Variants in AATF observed in about 807,000 individuals in gnomAD.
AATF encodes protein AATF.
Under a neutral mutation model 63.7 loss-of-function variants are expected in AATF, and 48 were observed. The ratio of observed to expected loss-of-function variants is 0.75; its 90% confidence interval spans 0.60 to 0.96. The LOEUF (loss-of-function observed/expected upper bound fraction) is 0.96, where lower values mean the gene tolerates loss of function less well. AATF is among the 40% of genes least tolerant of loss of function. The pLI, the probability that AATF is intolerant of heterozygous loss-of-function variation, is 0.00. For synonymous variants in AATF, 258 were observed against 247.7 expected (o/e 1.04, Z -0.39); for missense variants, 639 against 685.7 (o/e 0.93, Z 0.76).
At chr17:37,014,925 AT>A (rs1429321614) in intron 8 of AATF, among the ~76,000 whole-genome samples, 3 of 151,974 alleles carry the variant, frequency 2.0e-5, no homozygotes, top group Admixed American at 2.0e-4. Flanking sequence ...TTAATTTCTC[AT>A]TTTAGTCTTT....
rs34957243 is a variant in AATF, at chr17:37,009,298, A to ATT, written c.1399-9690_1399-9689dup. Among the ~76,000 whole-genome samples, 576 of 128,622 alleles carry ATT rather than the reference A, an allele frequency of 4.5e-3. 6 individuals carry two copies. The highest frequency in any genetic ancestry group is 0.016 in the African/African-American group (535 of 33,322). 84.4% of individuals were successfully genotyped at this position (128,622 alleles called of 152,430 possible). ...AGGCATCTGCCACCATGCCCGGCTA[A>ATT]TTTTTTTTTTTTTTTTTTGTATTTT... is the stretch of plus-strand genomic sequence containing the variant. On this transcript the variant is annotated intron_variant, in intron 8 of 11. Transcript: ENST00000619387.
chr17:36,994,964 A>G (rs146653861), intron 8 of AATF, among the ~76,000 whole-genome samples: 8 of 152,364 alleles, frequency 5.3e-5, no homozygotes, highest in Admixed American at 1.3e-4. Context: ...GCAATAAGCT[A>G]TATAAAGTGG....
At chr17:36,986,400 A>G (rs1054308931) in intron 4 of AATF, among the ~76,000 whole-genome samples, 2 of 152,332 alleles carry the variant, frequency 1.3e-5, no homozygotes, top group African/African-American at 2.4e-5. Flanking sequence ...CCTTACATGC[A>G]TGATCTTGCT....
intron 8 of AATF, 40 bp downstream of exon 8, chr17:36,990,897 G>C (rs767150144): frequency 1.4e-6 from 2 of 1,388,828 alleles, no homozygotes; most frequent in Admixed American, 5.0e-5. Context: ...TCATGTTTTA[G>C]CATTTTAAAG....
intron 11 of AATF, among the ~76,000 whole-genome samples, chr17:37,051,857 C>T (rs762076908): frequency 4.6e-5 from 7 of 152,166 alleles, no homozygotes; most frequent in Non-Finnish European, 7.4e-5. Context: ...TAAAACCTTA[C>T]TGCACTAGAG....
chr17:36,968,270 C>CTTTTTTTTTTTTTTTTTTTTTTTTTTTT (rs3049638), intron 4 of AATF, among the ~76,000 whole-genome samples: 1 of 23,762 alleles, frequency 4.2e-5, no homozygotes, highest in Non-Finnish European at 7.6e-5. Flanking sequence ...TTCCTTCTTT[C>CTTTTTTTTTTTTTTTTTTTTTTTTTTTT]TTTTTTTTTT....
At chr17:36,964,302 G>A (rs1318474636) in intron 4 of AATF, among the ~76,000 whole-genome samples, 1 of 150,766 alleles carries the variant, frequency 6.6e-6, no homozygotes, top group African/African-American at 2.5e-5. Context: ...TATAGTGGGT[G>A]AGTGGGGATG....
Position 37,047,902 on chromosome 17 carries a change from G to A in AATF, c.1620-8699G>A, listed in dbSNP as rs186158789. 1.3e-3 allele frequency among the ~76,000 whole-genome samples: 191 copies of A among 152,274 alleles called. 2 individuals carry two copies. The highest frequency in any genetic ancestry group is 1.1e-3 in the Non-Finnish European group (78 of 68,022). ...CTTGTGAAGAGTTTCAGCTAGTGTCGGATTGGACATGATTTGCCTTGTATC... is the reference window on the plus strand; with the variant it reads ...CTTGTGAAGAGTTTCAGCTAGTGTCAGATTGGACATGATTTGCCTTGTATC... On this transcript the variant is annotated intron_variant, in intron 11 of 11. Coordinates refer to ENST00000619387, the MANE Select transcript of AATF (RefSeq NM_012138.4).
rs2070828499 is a variant in AATF, at chr17:36,948,982, C to G, written c.-144C>G. 1 of 740,034 alleles carries G rather than the reference C, an allele frequency of 1.4e-6. No homozygotes were observed. The highest frequency in any genetic ancestry group is 2.4e-5 in the Admixed American group (1 of 41,358). The allele number at this position is 740,034 out of a possible 1,614,324, so 45.8% of individuals were successfully genotyped here. ...CCTCCCGGAAGTGGCCGGTCCAGAG[C>G]TGTGGGGTGGCCTCCGCGCGGTCTC... On this transcript the variant is annotated 5_prime_UTR_variant, in exon 1 of 12. Transcript: ENST00000619387.
intron 4 of AATF, among the ~76,000 whole-genome samples, chr17:36,969,669 A>G (rs559149777): frequency 1.3e-5 from 2 of 152,230 alleles, no homozygotes; most frequent in Non-Finnish European, 2.9e-5. Context: ...TTGTTGAGAT[A>G]TAATTGACAT....
At chr17:36,949,284 G>A in intron 1 of AATF, 68 bp downstream of exon 1, 1 of 1,450,908 alleles carries the variant, frequency 6.9e-7, no homozygotes, top group Non-Finnish European at 9.2e-7. Context: ...AGGGGGCGGC[G>A]TGGGAGGGGC....
In AATF at chr17:36,995,976, T is replaced by A. The variant is rs749239142; in HGVS notation, c.1398+5119T>A. ...GAACCTGCCTCTGTGAATGAGTTGT[T>A]GGACTCATGTCTTCTGTTCAGGGCA... is the stretch of plus-strand genomic sequence containing the variant. On this transcript the variant is annotated intron_variant, in intron 8 of 11. Transcript: ENST00000619387. 4.7e-4 allele frequency among the ~76,000 whole-genome samples: 72 copies of A among 152,232 alleles called. 2 individuals are homozygous for A. The highest frequency in any genetic ancestry group is 1.2e-4 in the Non-Finnish European group (8 of 68,042).
intron 1 of AATF, among the ~76,000 whole-genome samples, chr17:36,949,633 G>C (rs1318939266): frequency 6.6e-6 from 1 of 152,252 alleles, no homozygotes; most frequent in Non-Finnish European, 1.5e-5. Flanking sequence ...GTTGGAGACT[G>C]ATGGAAGGAT....
intron 4 of AATF, among the ~76,000 whole-genome samples, chr17:36,977,646 T>G (rs538444156): frequency 1.6e-4 from 25 of 152,178 alleles, no homozygotes; most frequent in Non-Finnish European, 3.4e-4. Context: ...TTATAAAATA[T>G]TCAAACAGTT....
At position 36,988,668 on chromosome 17, in the gene AATF, C is replaced by T. The variant is rs747562073; in HGVS notation, c.1097C>T (p.Thr366Ile). ...FADFTVYRNR[T>I]LQKWHDKTKL... The stretch of plus-strand genomic sequence containing the variant: ...GACTTTACAGTCTACAGGAACCGCA[C>T]ACTTCAGAAATGGCACGATAAGACC... Residue 366 changes from threonine to isoleucine, a missense_variant, in exon 6 of 12, where the codon ACA becomes ATA. Coordinates refer to ENST00000619387, the MANE Select transcript of AATF (RefSeq NM_012138.4). 31 of 1,613,988 alleles carry T rather than the reference C, an allele frequency of 1.9e-5. No homozygotes were observed. The highest frequency in any genetic ancestry group is 2.5e-5 in the Non-Finnish European group (29 of 1,180,012).
intron 8 of AATF, among the ~76,000 whole-genome samples, chr17:37,014,022 C>G (rs1422956377): frequency 2.0e-5 from 3 of 152,248 alleles, no homozygotes; most frequent in Non-Finnish European, 2.9e-5. Flanking sequence ...TTTGCTTCTT[C>G]CCTGAGTTAG....
intron 8 of AATF, among the ~76,000 whole-genome samples, chr17:37,002,397 G>T (rs1022152017): frequency 2.6e-5 from 4 of 151,948 alleles, no homozygotes; most frequent in African/African-American, 9.7e-5. Context: ...GCTGGGCATG[G>T]TGCCTCACAC....
intron 4 of AATF, among the ~76,000 whole-genome samples, chr17:36,965,083 T>C (rs559657228): frequency 6.6e-6 from 1 of 152,216 alleles, no homozygotes; most frequent in African/African-American, 2.4e-5. Flanking sequence ...CCTTTCTAGA[T>C]TGAAAATTAC....
At chr17:36,963,343 G>C (rs563227701) in intron 4 of AATF, among the ~76,000 whole-genome samples, 1 of 152,096 alleles carries the variant, frequency 6.6e-6, no homozygotes, top group Non-Finnish European at 1.5e-5. Context: ...TGTACAGGAC[G>C]GTCCCTAAAT....
Sources: gnomAD v4.1 joint callset for allele counts (sites outside exome capture counted in the v4.1 genomes callset) on GRCh38, gnomAD v4.1.1 for gene constraint, MANE v1.5 for transcripts, NCBI Gene and HGNC (gene_info 2026-07-23, HGNC 2026-07-21) for gene names.